Variants in IGHMBP2 observed in about 807,000 individuals in gnomAD.
IGHMBP2 encodes the protein DNA-binding protein SMUBP-2.
Under a neutral mutation model 96.0 loss-of-function variants are expected in IGHMBP2, and 81 were observed. The observed-to-expected ratio is 0.84, with a 90% confidence interval of 0.71 to 1.01. IGHMBP2 has a LOEUF of 1.01. Among genes scored for constraint, IGHMBP2 ranks in the 50% least tolerant of loss-of-function variants. IGHMBP2 has a pLI of 0.00. For missense variants in IGHMBP2, 1,227 were observed against 1,306.3 expected (o/e 0.94, Z 0.94); for synonymous variants, 557 against 548.9 (o/e 1.01, Z -0.21).
intron 11 of IGHMBP2, among the ~76,000 whole-genome samples, 184 bp from the exon 12 acceptor site, chr11:68,935,115 A>G (rs937436479): frequency 6.6e-6 from 1 of 152,198 alleles, no homozygotes; most frequent in Non-Finnish European, 1.5e-5. Context: ...AGGGTGTGGT[A>G]TTGGCGTGCA....
At chr11:68,922,531 G>A (rs1031768799) in intron 7 of IGHMBP2, among the ~76,000 whole-genome samples, 2 of 151,666 alleles carry the variant, frequency 1.3e-5, no homozygotes, top group Non-Finnish European at 2.9e-5. Flanking sequence ...GAATAGCTGG[G>A]AGTACAGATG....
At chr11:68,906,665 A>C (rs1165947683) in intron 2 of IGHMBP2, among the ~76,000 whole-genome samples, 2 of 132,186 alleles carry the variant, frequency 1.5e-5, no homozygotes, top group African/African-American at 3.0e-5. Context: ...TTTTTGAGAC[A>C]GAGTTTCGCT....
intron 5 of IGHMBP2, among the ~76,000 whole-genome samples, chr11:68,912,426 G>A (rs1374023606): frequency 2.0e-5 from 3 of 151,960 alleles, no homozygotes; most frequent in African/African-American, 7.2e-5. Context: ...CACTGTGCCC[G>A]GCCCAGTTAC....
intron 4 of IGHMBP2, among the ~76,000 whole-genome samples, chr11:68,909,167 T>A (rs1858323555): frequency 1.0e-5 from 1 of 98,240 alleles, no homozygotes; most frequent in Non-Finnish European, 2.1e-5. Flanking sequence ...TAAAAAAATT[T>A]TTTTTTGGCG....
intron 8 of IGHMBP2, chr11:68,932,390 G>C (rs1859347583): frequency 6.6e-6 from 1 of 152,310 alleles, no homozygotes; most frequent in Non-Finnish European, 1.5e-5. Flanking sequence ...TGGTGGGGTT[G>C]GTGAGCCGTA....
chr11:68,929,148 GC>G, intron 7 of IGHMBP2, 34 bp from the exon 8 acceptor site: 1 of 1,603,924 alleles, frequency 6.2e-7, no homozygotes. Context: ...AAGCAGCTGT[GC>G]CCCTGGAGAC....
chr11:68,938,757 G>A (rs1683209504), intron 14 of IGHMBP2, among the ~76,000 whole-genome samples: 1 of 152,164 alleles, frequency 6.6e-6, no homozygotes. Context: ...AGAACCCCCT[G>A]GGCCAGGTGT....
intron 4 of IGHMBP2, among the ~76,000 whole-genome samples, chr11:68,909,176 C>T (rs55911227): frequency 0.23 from 3,304 of 14,202 alleles, 188 homozygotes; most frequent in African/African-American, 0.38. Flanking sequence ...TTTTTTTTGG[C>T]GGGGGGGGTG....
intron 8 of IGHMBP2, chr11:68,930,521 A>G: frequency 7.9e-7 from 1 of 1,258,680 alleles, no homozygotes; most frequent in South Asian, 1.3e-5. Flanking sequence ...AAGAAAGAGG[A>G]GTGCTGAGGA....
intron 13 of IGHMBP2, 120 bp downstream of exon 13, chr11:68,937,211 G>A: frequency 1.6e-6 from 2 of 1,287,910 alleles, no homozygotes; most frequent in Non-Finnish European, 2.2e-6. Context: ...CCGTGCCCGT[G>A]TCATTTTAGC....
In IGHMBP2 at chr11:68,929,356, A is replaced by G. The variant is rs1171082481; in HGVS notation, c.1234A>G (p.Lys412Glu). The G allele has an allele frequency of 6.2e-6, 10 of 1,612,778 alleles. No individual in the cohort carries two copies. In the Admixed American group the frequency reaches 1.7e-4, roughly 27 times the overall value. ...KQLPPTTVSH[K>E]AALAGLSLSL... The stretch of plus-strand genomic sequence containing the variant: ...GCTGCCCCCCACCACAGTCTCTCAC[A>G]AGTAAGACCCCTTTGCCTCACATGC... Residue 412 changes from lysine (K) to glutamate (E), a missense_variant and splice_region_variant, in exon 8 of 15, where the codon AAG becomes GAG. Lys to Glu is a moderately conservative substitution (Grantham distance 56). Transcript: ENST00000255078.
At chr11:68,908,459 G>T in intron 3 of IGHMBP2, 75 bp from the exon 4 acceptor site, 1 of 1,454,716 alleles carries the variant, frequency 6.9e-7, no homozygotes, top group South Asian at 1.1e-5. Context: ...CCTCATGGGA[G>T]TTGGTGGCAG....
intron 5 of IGHMBP2, among the ~76,000 whole-genome samples, chr11:68,914,508 G>A (rs1858571423): frequency 2.0e-5 from 3 of 152,152 alleles, no homozygotes; most frequent in Non-Finnish European, 2.9e-5. Flanking sequence ...GTCTAGGGGT[G>A]AATGTTTACA....
intron 1 of IGHMBP2, among the ~76,000 whole-genome samples, chr11:68,905,620 G>C (rs1271298831): frequency 6.6e-6 from 1 of 152,216 alleles, no homozygotes; most frequent in African/African-American, 2.4e-5. Context: ...GAGGCGAATA[G>C]CTTTGCATTT....
chr11:68,920,059 C>G (rs1050111213), intron 7 of IGHMBP2, among the ~76,000 whole-genome samples: 1 of 152,176 alleles, frequency 6.6e-6, no homozygotes, highest in Non-Finnish European at 1.5e-5. Context: ...ACAGCAATTC[C>G]CTTTTTCCCT....
intron 1 of IGHMBP2, 127 bp from the exon 2 acceptor site, chr11:68,905,942 C>T: frequency 1.0e-6 from 1 of 957,922 alleles, no homozygotes. Flanking sequence ...ATTCGGAGTT[C>T]CATTGGGACA....
rs756861635 is a variant in IGHMBP2, at chr11:68,908,230, C to A, written c.342C>A (p.Val114=). The A allele has an allele frequency of 1.7e-5, 27 of 1,613,934 alleles. No individual in the cohort carries two copies. Among genetic ancestry groups the A allele is most frequent in the Non-Finnish European group, 2.3e-5 (27 of 1,180,002 alleles). The change falls in exon 3 of 15, where the codon GTC becomes GTA. Residue 114 remains valine, a synonymous_variant. Coordinates refer to ENST00000255078, the MANE Select transcript of IGHMBP2 (RefSeq NM_002180.3). ...TGACCCGGGTCACCCAGAAGTCGGT[C>A]ACGGTGGCCTTTGATGAGTCCCACG... The part of the protein sequence containing the change: ...GILTRVTQKS[V]TVAFDESHDF...
At chr11:68,930,078 G>T in intron 8 of IGHMBP2, 1 of 1,170,418 alleles carries the variant, frequency 8.5e-7, no homozygotes, top group Non-Finnish European at 1.1e-6. Flanking sequence ...GGTGTGGCGG[G>T]CGTGCCCTCT....
chr11:68,929,639 A>G (rs995476710), intron 8 of IGHMBP2: 231 of 644,668 alleles, frequency 3.6e-4, no homozygotes, highest in Non-Finnish European at 4.3e-4. Flanking sequence ...TGTTGAGTTG[A>G]ATATCCCCTC....
Sources: allele counts gnomAD v4.1 joint callset (sites outside exome capture counted in the v4.1 genomes callset), GRCh38; gene constraint gnomAD v4.1.1; transcripts MANE v1.5; gene names NCBI Gene and HGNC (gene_info 2026-07-23, HGNC 2026-07-21).